Variants in INPP5J observed in about 807,000 individuals in gnomAD.
The protein encoded by INPP5J is inositol polyphosphate-5-phosphatase J, also known as phosphatidylinositol 4,5-bisphosphate 5-phosphatase A.
Under a neutral mutation model 86.6 loss-of-function variants are expected in INPP5J, and 75 were observed. That is an observed-to-expected ratio of 0.87 (90% CI 0.72 to 1.05). The LOEUF (loss-of-function observed/expected upper bound fraction) is 1.05. INPP5J is among the 50% of genes least tolerant of loss of function. The pLI is 0.00. For synonymous variants in INPP5J, 540 were observed against 550.0 expected, an observed-to-expected ratio of 0.98 and a Z score of 0.25; for missense variants, 1,229 against 1,341.2, an observed-to-expected ratio of 0.92 and a Z score of 1.31.
rs763800599 is a variant in INPP5J at position 31,134,352 on chromosome 22, C to A, written c.2954C>A (p.Ala985Glu). Residue 985 changes from alanine (A) to glutamate (E), a missense_variant, in exon 13 of 13, where the codon GCG (alanine) becomes GAG (glutamate). Physicochemically the swap from Ala to Glu is moderately radical, Grantham distance 107. Transcript: ENST00000331075. The stretch of plus-strand genomic sequence containing the variant: ...TGGGGACCTGATCGGGAGGCCCTGG[C>A]GCCCAACAGCCTGTCTCCTAGTCCC... Reference protein sequence around the residue: ...GSWGPDREALAPNSLSPSPQG... With the variant: ...GSWGPDREALEPNSLSPSPQG... The A allele has an allele frequency of 2.6e-6, 4 of 1,532,686 alleles. No homozygotes were observed. The highest frequency in any genetic ancestry group is 4.1e-5 in the Admixed American group (2 of 49,348). 94.9% of individuals were successfully genotyped at this position (1,532,686 alleles called of 1,614,324 possible).
chr22:31,133,148 G>A lies in INPP5J; in HGVS notation c.2244G>A (p.Glu748=). The A allele has an allele frequency of 6.3e-7, 1 of 1,576,328 alleles. No homozygotes were observed. The highest frequency in any genetic ancestry group is 8.6e-7 in the Non-Finnish European group (1 of 1,161,780). The change falls in exon 10 of 13, where the codon GAG becomes GAA. Residue 748 remains glutamate (E), a synonymous_variant. Coordinates refer to ENST00000331075, the MANE Select transcript of INPP5J (RefSeq NM_001284285.2). Reference sequence around the variant, plus strand: ...TGGTGCGGCTGGAGGTGGCAGATGAGTGGGTGCGGCCCGAGCAGGCGGTGG... The same window carrying A: ...TGGTGCGGCTGGAGGTGGCAGATGAATGGGTGCGGCCCGAGCAGGCGGTGG... The part of the protein sequence containing the change: ...MPLVRLEVAD[E]WVRPEQAVVR...
In INPP5J at chr22:31,125,536, C is replaced by T; in HGVS notation, c.797C>T (p.Pro266Leu). ...CAGACATCTGGTCCTACAGGCTCCC[C>T]ACCCTGCATCCAAACCTCCCCAGAC... ...PAQTSGPTGS[P>L]PCIQTSPDPR... Residue 266 changes from proline (P) to leucine (L), a missense_variant, in exon 2 of 13, where the codon CCA (proline) becomes CTA (leucine). Pro to Leu is a moderately conservative substitution (Grantham distance 98). Transcript: ENST00000331075. The T allele has an allele frequency of 6.4e-7, 1 of 1,550,576 alleles. No individual in the cohort carries two copies. Among genetic ancestry groups the T allele is most frequent in the Middle Eastern group, 1.7e-4 (1 of 5,992 alleles).
At position 31,123,111 on chromosome 22, in the gene INPP5J, C is replaced by A. The variant is rs759612986; in HGVS notation, c.97C>A (p.Pro33Thr). 75 of 1,480,596 alleles carry A rather than the reference C, an allele frequency of 5.1e-5. No individual in the cohort carries two copies. The highest frequency in any genetic ancestry group is 6.7e-5 in the Non-Finnish European group (75 of 1,119,666). The allele number at this position is 1,480,596 out of a possible 1,614,324, so 91.7% of individuals were successfully genotyped here. A position where few individuals can be genotyped will look rare whatever the true frequency, so the allele number is the denominator to read the frequency against. The change falls in exon 1 of 13, where the codon CCC becomes ACC. Residue 33 changes from proline (P) to threonine (T), a missense_variant. Pro to Thr is a conservative substitution (Grantham distance 38). Coordinates refer to ENST00000331075, the MANE Select transcript of INPP5J (RefSeq NM_001284285.2). Reference sequence around the variant, plus strand: ...CCAGGGTGTTGCCCAAACTGGGGCACCCTCCAAGGTAAGACCCCTGAGACC... The same window carrying A: ...CCAGGGTGTTGCCCAAACTGGGGCAACCTCCAAGGTAAGACCCCTGAGACC... ...MPQGVAQTGA[P>T]SKVDSSFQLP...
Position 31,125,303 on chromosome 22 carries a change from C to T in INPP5J, c.564C>T (p.Ala188=). The T allele has an allele frequency of 6.4e-7, 1 of 1,550,508 alleles. No homozygotes were observed. Among genetic ancestry groups the T allele is most frequent in the Non-Finnish European group, 8.7e-7 (1 of 1,146,962 alleles). Residue 188 remains alanine, a synonymous_variant, in exon 2 of 13, where the codon GCC becomes GCT. Coordinates refer to ENST00000331075, the MANE Select transcript of INPP5J (RefSeq NM_001284285.2). Reference sequence around the variant, plus strand: ...TGGCAGCCTCTGGCCTGAGCCTGGCCCTGGCTTCTGAGGAGCAGCCCCCAG... The same window carrying T: ...TGGCAGCCTCTGGCCTGAGCCTGGCTCTGGCTTCTGAGGAGCAGCCCCCAG... The part of the protein sequence containing the change: ...PTLAASGLSL[A]LASEEQPPEL...
Position 31,129,232 on chromosome 22 carries a change from C to CTTT in INPP5J, c.2193+597_2193+599dup, listed in dbSNP as rs576089657. The stretch of plus-strand genomic sequence containing the variant: ...GGCGTGAGCTACCGTGTCTGGCCAA[C>CTTT]TTTTTTTTTTTTTTTTTTTTTCTTT... On this transcript the variant is annotated intron_variant, in intron 9 of 12. Coordinates refer to ENST00000331075, the MANE Select transcript of INPP5J (RefSeq NM_001284285.2). Among the ~76,000 whole-genome samples, 225 of 79,098 alleles carry CTTT rather than the reference C, an allele frequency of 2.8e-3. 1 individual carries two copies. Among genetic ancestry groups the CTTT allele is most frequent in the East Asian group, 4.5e-3 (9 of 2,020 alleles). The allele number at this position is 79,098 out of a possible 152,430, so 51.9% of individuals were successfully genotyped here.
In INPP5J at chr22:31,123,084, C is replaced by T; in HGVS notation, c.70C>T (p.Pro24Ser). ...TRAGLGSLPMPQGVAQTGAPS... is the reference protein window; with the variant it reads ...TRAGLGSLPMSQGVAQTGAPS... ...GGCTGGCCTGGGTTCCCTGCCCATGCCCCAGGGTGTTGCCCAAACTGGGGC... is the reference window on the plus strand; with the variant it reads ...GGCTGGCCTGGGTTCCCTGCCCATGTCCCAGGGTGTTGCCCAAACTGGGGC... The change falls in exon 1 of 13, where the codon CCC becomes TCC. Residue 24 changes from proline to serine, a missense_variant. Coordinates refer to ENST00000331075, the MANE Select transcript of INPP5J (RefSeq NM_001284285.2). The T allele has an allele frequency of 6.7e-7, 1 of 1,485,832 alleles. No homozygotes were observed. Among genetic ancestry groups the T allele is most frequent in the Non-Finnish European group, 8.9e-7 (1 of 1,121,320 alleles). The allele number at this position is 1,485,832 out of a possible 1,614,324, so 92.0% of individuals were successfully genotyped here. A position where few individuals can be genotyped will look rare whatever the true frequency, so the allele number is the denominator to read the frequency against.
chr22:31,123,255 GGT>G, intron 1 of INPP5J, 136 bp downstream of exon 1: 1 of 554,880 alleles, frequency 1.8e-6, no homozygotes, highest in Non-Finnish European at 3.1e-6. Flanking sequence ...GCAGGGGCTA[GGT>G]GAAGAGAGCA....
At chr22:31,133,818 C>A in intron 12 of INPP5J, 95 bp from the exon 13 acceptor site, 1 of 1,592,928 alleles carries the variant, frequency 6.3e-7, no homozygotes, top group South Asian at 1.1e-5. Flanking sequence ...CCTGACCTCC[C>A]AAGATCTGCC....
intron 9 of INPP5J, among the ~76,000 whole-genome samples, chr22:31,131,698 G>A (rs996661009): frequency 6.6e-6 from 1 of 152,176 alleles, no homozygotes; most frequent in African/African-American, 2.4e-5. Context: ...TACTGGTGAG[G>A]GAAACTGAGG....
chr22:31,129,263 G>C (rs367822604), intron 9 of INPP5J, among the ~76,000 whole-genome samples: 1 of 85,114 alleles, frequency 1.2e-5, no homozygotes, highest in Non-Finnish European at 2.3e-5. Flanking sequence ...TCTTTGAGAC[G>C]GAGTCTTGCT....
rs2147871340 is a variant in INPP5J, at chr22:31,125,545, T to C, written c.806T>C (p.Ile269Thr). 2 of 1,550,208 alleles carry C rather than the reference T, an allele frequency of 1.3e-6. No homozygotes were observed. Among genetic ancestry groups the C allele is most frequent in the Non-Finnish European group, 1.7e-6 (2 of 1,146,890 alleles). ...TSGPTGSPPC[I>T]QTSPDPRLSP... ...GGTCCTACAGGCTCCCCACCCTGCA[T>C]CCAAACCTCCCCAGACCCTCGGCTC... Residue 269 changes from isoleucine to threonine, a missense_variant, in exon 2 of 13, where the codon ATC becomes ACC. Transcript: ENST00000331075.
intron 1 of INPP5J, 136 bp downstream of exon 1, chr22:31,123,255 G>C: frequency 1.8e-6 from 1 of 554,882 alleles, no homozygotes; most frequent in Non-Finnish European, 3.1e-6. Flanking sequence ...GCAGGGGCTA[G>C]GTGAAGAGAG....
rs1443611256 is a variant in INPP5J, at chr22:31,126,971, C to G, written c.1545C>G (p.Tyr515Ter). The stretch of plus-strand genomic sequence containing the variant: ...TCATCCTGCTGCTGTTCGCCAAGTA[C>G]TACCACCTGCCCTTCCTGCGAGACG... ...QGVILLLFAK[Y>*]YHLPFLRDVQ... is the part of the protein sequence containing the mutation. Residue 515 changes from tyrosine to a stop codon, truncating the protein, a stop_gained, in exon 5 of 13, where the codon TAC (tyrosine) becomes TAG (stop). Coordinates refer to ENST00000331075, the MANE Select transcript of INPP5J (RefSeq NM_001284285.2). LOFTEE classifies it high-confidence loss of function. 2 of 1,610,970 alleles carry G rather than the reference C, an allele frequency of 1.2e-6. No homozygotes were observed. The highest frequency in any genetic ancestry group is 1.3e-5 in the African/African-American group (1 of 74,878).
chr22:31,129,821 G>T (rs996502775), intron 9 of INPP5J, among the ~76,000 whole-genome samples: 2 of 151,910 alleles, frequency 1.3e-5, no homozygotes, highest in Non-Finnish European at 2.9e-5. Context: ...GGATTACAAG[G>T]TGTGAGCCAC....
chr22:31,123,525 C>G (rs1396208859), intron 1 of INPP5J, among the ~76,000 whole-genome samples: 1 of 152,076 alleles, frequency 6.6e-6, no homozygotes, highest in East Asian at 1.9e-4. Context: ...GGGGGGAAGC[C>G]GGCACACAGT....
chr22:31,130,477 G>T (rs1921968672), intron 9 of INPP5J, among the ~76,000 whole-genome samples: 1 of 151,142 alleles, frequency 6.6e-6, no homozygotes, highest in South Asian at 2.1e-4. Context: ...TCGTACCACT[G>T]CACTCCAGCC....
At chr22:31,126,557 A>C in intron 3 of INPP5J, 56 bp from the exon 4 acceptor site, 1 of 1,599,026 alleles carries the variant, frequency 6.3e-7, no homozygotes, top group Admixed American at 1.7e-5. Flanking sequence ...CACCCATGGC[A>C]GGGGCTTCCA....
Position 31,125,964 on chromosome 22 carries a change from T to G in INPP5J, c.1225T>G (p.Ser409Ala). The stretch of plus-strand genomic sequence containing the variant: ...CTCTTCTACATCCACCCTGTCATCC[T>G]CCCCTTGGTCAGCTCAGCCTACCTG... ...TSSSTSTLSS[S>A]PWSAQPTWKS... Residue 409 changes from serine to alanine, a missense_variant, in exon 2 of 13, where the codon TCC becomes GCC. Physicochemically the swap from Ser to Ala is moderately conservative, Grantham distance 99. Transcript: ENST00000331075. 6.2e-7 allele frequency: 1 copy of G among 1,602,600 alleles called. No homozygotes were observed. The highest frequency in any genetic ancestry group is 8.5e-7 in the Non-Finnish European group (1 of 1,171,780).
At chr22:31,124,237 T>C (rs1203407195) in intron 1 of INPP5J, 2 of 985,612 alleles carry the variant, frequency 2.0e-6, no homozygotes, top group Non-Finnish European at 2.4e-6. Context: ...TCCCAGCTCT[T>C]GCTCCTGAGT....
Sources: allele counts gnomAD v4.1 joint callset (sites outside exome capture counted in the v4.1 genomes callset), GRCh38; gene constraint gnomAD v4.1.1; transcripts MANE v1.5; gene names NCBI Gene and HGNC (gene_info 2026-07-23, HGNC 2026-07-21).